Variants in GABRB1 observed in about 807,000 individuals in gnomAD.
GABRB1 encodes the protein gamma-aminobutyric acid receptor subunit beta-1.
GABRB1 carries 17 observed loss-of-function variants against 51.6 expected under a neutral mutation model. The ratio of observed to expected loss-of-function variants is 0.33; its 90% CI spans 0.23 to 0.49. The LOEUF (loss-of-function observed/expected upper bound fraction) is 0.49. GABRB1 is among the 20% of genes least tolerant of loss of function. The pLI, the probability that GABRB1 is intolerant of heterozygous loss-of-function variation, is 0.99. For missense variants in GABRB1, 410 were observed against 600.6 expected (o/e 0.68, Z 3.32); for synonymous variants, 247 against 218.9 (o/e 1.13, Z -1.14).
At chr4:47,072,582 G>T (rs1285560169) in intron 3 of GABRB1, among the ~76,000 whole-genome samples, 1 of 151,964 alleles carries the variant, frequency 6.6e-6, no homozygotes, top group African/African-American at 2.4e-5. Flanking sequence ...TTTACTATGT[G>T]GTATCATGTT....
rs1338433226 is a variant in GABRB1, at chr4:47,318,235, T to C, written c.462-1892T>C. ...AAAGAGATAATGTATGCAAAGCTTT[T>C]AGCCCAGTGCCCCATACTTAAGAAG... On this transcript the variant is annotated intron_variant, in intron 4 of 8. Transcript: ENST00000295454. Among the ~76,000 whole-genome samples the C allele has an allele frequency of 3.9e-5, 6 of 152,014 alleles. No individual in the cohort carries two copies. In the East Asian group the frequency reaches 1.2e-3, roughly 29 times the overall value.
intron 3 of GABRB1, chr4:47,043,472 G>A (rs559046121): frequency 1.3e-5 from 2 of 152,122 alleles, no homozygotes; most frequent in South Asian, 4.1e-4. Context: ...TTTACAGGAT[G>A]GCATCTGTTC....
At chr4:47,048,000 A>G (rs1404835477) in intron 3 of GABRB1, among the ~76,000 whole-genome samples, 1 of 152,138 alleles carries the variant, frequency 6.6e-6, no homozygotes, top group Non-Finnish European at 1.5e-5. Flanking sequence ...AGATAATTAT[A>G]TCTGTCCTAC....
intron 4 of GABRB1, among the ~76,000 whole-genome samples, chr4:47,230,687 G>A (rs1721110403): frequency 6.6e-6 from 1 of 152,146 alleles, no homozygotes; most frequent in South Asian, 2.1e-4. Flanking sequence ...TGTGAGAATA[G>A]TGTTCTGTTC....
chr4:47,094,438 T>G (rs1459199754), intron 3 of GABRB1, among the ~76,000 whole-genome samples: 1 of 151,960 alleles, frequency 6.6e-6, no homozygotes, highest in African/African-American at 2.4e-5. Flanking sequence ...CTGGCCAGGA[T>G]GGTTTTGATC....
chr4:47,029,053 T>G (rs1220884940), upstream of GABRB1, among the ~76,000 whole-genome samples: 1 of 151,750 alleles, frequency 6.6e-6, no homozygotes, highest in Non-Finnish European at 1.5e-5. Context: ...TTCAACTATT[T>G]TGACTGTTGT....
chr4:47,381,968 T>G (rs1727613771), intron 5 of GABRB1, among the ~76,000 whole-genome samples: 1 of 152,252 alleles, frequency 6.6e-6, no homozygotes, highest in South Asian at 2.1e-4. Context: ...CCAAGTAGTG[T>G]GTGACCACAT....
At chr4:47,352,177 T>G (rs926656016) in intron 5 of GABRB1, among the ~76,000 whole-genome samples, 2 of 152,244 alleles carry the variant, frequency 1.3e-5, no homozygotes, top group African/African-American at 4.8e-5. Flanking sequence ...CGAGCATTTT[T>G]TCATGTGTCT....
intron 4 of GABRB1, among the ~76,000 whole-genome samples, chr4:47,295,427 C>A (rs2109928915): frequency 6.6e-6 from 1 of 152,124 alleles, no homozygotes; most frequent in Admixed American, 6.5e-5. Context: ...GCTGATGGAG[C>A]TGAAAGCCAA....
chr4:47,096,184 G>A (rs962500296), intron 3 of GABRB1, among the ~76,000 whole-genome samples: 1 of 152,140 alleles, frequency 6.6e-6, no homozygotes, highest in African/African-American at 2.4e-5. Context: ...TATGCAGAGA[G>A]AACATATAGC....
At chr4:47,300,975 T>A (rs1724237818) in intron 4 of GABRB1, among the ~76,000 whole-genome samples, 1 of 152,180 alleles carries the variant, frequency 6.6e-6, no homozygotes, top group South Asian at 2.1e-4. Context: ...TAGCCATTTG[T>A]ATAAATCACC....
Position 47,032,413 on chromosome 4 carries a change from G to T in GABRB1, c.173-4G>T. ...GTTCCTAATGTGGCCCACCTCCCCG[G>T]CAGGGCCCCCCGTCGACGTTGGGAT... On this transcript the variant is annotated splice_region_variant and splice_polypyrimidine_tract_variant and intron_variant, in intron 2 of 8. Transcript: ENST00000295454. 6.3e-7 allele frequency: 1 copy of T among 1,581,330 alleles called. No homozygotes were observed. Among genetic ancestry groups the T allele is most frequent in the Non-Finnish European group, 8.6e-7 (1 of 1,160,712 alleles).
chr4:47,064,662 A>AT (rs1364332000), intron 3 of GABRB1, among the ~76,000 whole-genome samples: 7 of 151,158 alleles, frequency 4.6e-5, no homozygotes, highest in Non-Finnish European at 1.0e-4. Flanking sequence ...AAAAAAAAAA[A>AT]AGAGAAAAGA....
rs904874423 is a variant in GABRB1 at position 47,333,900 on chromosome 4, C to T, written c.544+13691C>T. ...AAAAGGTAGATTTCTCAGAAAACTC[C>T]TAGTACGTTATTGCATTGATTCCAA... On this transcript the variant is annotated intron_variant, in intron 5 of 8. Coordinates refer to ENST00000295454, the MANE Select transcript of GABRB1 (RefSeq NM_000812.4). 2.6e-5 allele frequency among the ~76,000 whole-genome samples: 4 copies of T among 152,300 alleles called. No homozygotes were observed. In the East Asian group the frequency reaches 5.8e-4, roughly 22 times the overall value.
chr4:47,034,254 C>A (rs770390578), intron 3 of GABRB1, among the ~76,000 whole-genome samples: 1 of 152,000 alleles, frequency 6.6e-6, no homozygotes, highest in East Asian at 1.9e-4. Context: ...TATTGACATA[C>A]CCCTTTTCAG....
At position 47,426,078 on chromosome 4, in the gene GABRB1, A is replaced by G; in HGVS notation, c.*60A>G. 7.3e-7 allele frequency: 1 copy of G among 1,369,798 alleles called. No homozygotes were observed. Among genetic ancestry groups the G allele is most frequent in the Non-Finnish European group, 9.9e-7 (1 of 1,007,836 alleles). The allele number at this position is 1,369,798 out of a possible 1,614,324, so 84.9% of individuals were successfully genotyped here. On this transcript the variant is annotated 3_prime_UTR_variant, in exon 9 of 9. Transcript: ENST00000295454. ...CTCTTCTATTGTTTTTTAACCTTAC[A>G]GGTCCCCAACAGCGATACTGCTGTT...
At chr4:47,352,936 G>A (rs1726410500) in intron 5 of GABRB1, among the ~76,000 whole-genome samples, 1 of 152,172 alleles carries the variant, frequency 6.6e-6, no homozygotes, top group Non-Finnish European at 1.5e-5. Context: ...TCATGCTGCT[G>A]ATAAAGACAT....
intron 1 of GABRB1, among the ~76,000 whole-genome samples, chr4:47,014,557 G>C (rs1019218941): frequency 1.3e-5 from 2 of 151,884 alleles, no homozygotes; most frequent in African/African-American, 2.4e-5. Flanking sequence ...CCTAGCAATT[G>C]TCCACTTCTG....
intron 5 of GABRB1, among the ~76,000 whole-genome samples, chr4:47,338,079 G>A (rs897248301): frequency 6.6e-5 from 10 of 152,034 alleles, no homozygotes; most frequent in East Asian, 1.9e-4. Flanking sequence ...TGTCAATGTC[G>A]TCATCACTTT....
Sources: allele counts gnomAD v4.1 joint callset (sites outside exome capture counted in the v4.1 genomes callset), GRCh38; gene constraint gnomAD v4.1.1; transcripts MANE v1.5; gene names NCBI Gene and HGNC (gene_info 2026-07-23, HGNC 2026-07-21).